MCMBP: variants seen among roughly 807,000 people sequenced by gnomAD.
MCMBP encodes the protein mini-chromosome maintenance complex-binding protein.
MCMBP carries 31 observed loss-of-function variants against 81.3 expected under a neutral mutation model. The observed-to-expected ratio is 0.38, with a 90% CI of 0.29 to 0.51. MCMBP has a LOEUF of 0.51. Ranked by LOEUF, MCMBP falls within the 20% of genes least tolerant of loss-of-function variation. The pLI, the probability that MCMBP is intolerant of heterozygous loss-of-function variation, is 0.87. For missense variants in MCMBP, 645 were observed against 772.1 expected (o/e 0.84, Z 1.95); for synonymous variants, 267 against 275.9 (o/e 0.97, Z 0.32).
chr10:119,832,305 CAT>C (rs1385129249), intron 14 of MCMBP, among the ~76,000 whole-genome samples: 3 of 152,060 alleles, frequency 2.0e-5, no homozygotes, highest in African/African-American at 7.2e-5. Flanking sequence ...GTCAAGCAAA[CAT>C]ATAAATCAGC....
intron 1 of MCMBP, among the ~76,000 whole-genome samples, chr10:119,867,542 GA>G (rs1853515758): frequency 1.3e-5 from 2 of 152,106 alleles, no homozygotes; most frequent in African/African-American, 4.8e-5. Flanking sequence ...GGCCACAGAT[GA>G]CTGATCCCTG....
chr10:119,836,392 A>ATT (rs1852243080), intron 13 of MCMBP, among the ~76,000 whole-genome samples: 1 of 152,238 alleles, frequency 6.6e-6, no homozygotes, highest in Admixed American at 6.5e-5. Flanking sequence ...ACTACACACC[A>ATT]TTTGACAACT....
chr10:119,856,699 T>C (rs1372663244), intron 5 of MCMBP, among the ~76,000 whole-genome samples: 1 of 152,214 alleles, frequency 6.6e-6, no homozygotes, highest in Non-Finnish European at 1.5e-5. Flanking sequence ...AAAATTACTA[T>C]CGTAAATAAA....
chr10:119,845,376 G>A (rs1399992688), intron 8 of MCMBP, among the ~76,000 whole-genome samples: 1 of 151,970 alleles, frequency 6.6e-6, no homozygotes, highest in Non-Finnish European at 1.5e-5. Context: ...AAACAAAAAT[G>A]AATGAGGAAG....
At chr10:119,864,350 A>G (rs1484509730) in intron 1 of MCMBP, among the ~76,000 whole-genome samples, 1 of 152,236 alleles carries the variant, frequency 6.6e-6, no homozygotes, top group Non-Finnish European at 1.5e-5. Flanking sequence ...AGAAATAGAA[A>G]GCTAATACAG....
At chr10:119,856,781 A>T (rs1012548894) in intron 5 of MCMBP, among the ~76,000 whole-genome samples, 48 of 152,232 alleles carry the variant, frequency 3.2e-4, no homozygotes, top group African/African-American at 1.1e-3. Flanking sequence ...ATGAATTCCA[A>T]TTTGAAACTA....
At chr10:119,859,264 A>T in intron 2 of MCMBP, 83 bp from the exon 3 acceptor site, 1 of 1,239,978 alleles carries the variant, frequency 8.1e-7, no homozygotes, top group Non-Finnish European at 1.1e-6. Flanking sequence ...TTATATCCAG[A>T]CTCAAACTGT....
chr10:119,854,482 C>T lies in MCMBP; in HGVS notation c.430-1288G>A, dbSNP rs1045417058. On this transcript the variant is annotated intron_variant, in intron 5 of 15. Coordinates refer to ENST00000369077, the MANE Select transcript of MCMBP (RefSeq NM_001256378.2). ...CTTTGGGAGGCTGAGGCGGGTAGAT[C>T]ACTTGAGCTCAGGAGTTCGAGACCA... 3.3e-5 allele frequency among the ~76,000 whole-genome samples: 5 copies of T among 150,996 alleles called. No homozygotes were observed. In the South Asian group the frequency reaches 1.0e-3, roughly 31 times the overall value.
intron 8 of MCMBP, among the ~76,000 whole-genome samples, chr10:119,845,171 A>G (rs1852573035): frequency 6.6e-6 from 1 of 152,232 alleles, no homozygotes; most frequent in African/African-American, 2.4e-5. Flanking sequence ...GAACAATCTC[A>G]TATACTATTA....
chr10:119,855,120 G>A (rs1173338375), intron 5 of MCMBP, among the ~76,000 whole-genome samples: 2 of 152,108 alleles, frequency 1.3e-5, no homozygotes, highest in South Asian at 4.1e-4. Context: ...ATAATCTAAG[G>A]ATGAGTGAAA....
At chr10:119,871,963 G>A (rs1853689890) in intron 1 of MCMBP, among the ~76,000 whole-genome samples, 1 of 152,126 alleles carries the variant, frequency 6.6e-6, no homozygotes, top group Non-Finnish European at 1.5e-5. Flanking sequence ...AGACTAGATG[G>A]GTTCTAAAGT....
At chr10:119,859,778 C>A (rs778840168) in intron 2 of MCMBP, 21 bp downstream of exon 2, 8 of 1,573,404 alleles carry the variant, frequency 5.1e-6, no homozygotes, top group Non-Finnish European at 7.0e-6. Context: ...CCCTCTCCCT[C>A]GAAAATAGCA....
chr10:119,841,484 T>G (rs1485803278), intron 10 of MCMBP, among the ~76,000 whole-genome samples: 1 of 152,246 alleles, frequency 6.6e-6, no homozygotes, highest in Non-Finnish European at 1.5e-5. Context: ...ATGGTACAAC[T>G]GCATAGTGAA....
chr10:119,847,718 C>T lies in MCMBP; in HGVS notation c.727-5G>A. On this transcript the variant is annotated splice_polypyrimidine_tract_variant and splice_region_variant and intron_variant, in intron 7 of 15. Transcript: ENST00000369077. ...ACAATCCCAATCTTCATAAACCTAA[C>T]AAGAGACCACATGAAATCACACTGT... 6.5e-7 allele frequency: 1 copy of T among 1,530,850 alleles called. No individual in the cohort carries two copies. The highest frequency in any genetic ancestry group is 9.0e-7 in the Non-Finnish European group (1 of 1,107,864). 94.8% of individuals were successfully genotyped at this position (1,530,850 alleles called of 1,614,324 possible). A position where few individuals can be genotyped will look rare whatever the true frequency, so the allele number is the denominator to read the frequency against.
intron 10 of MCMBP, among the ~76,000 whole-genome samples, chr10:119,842,029 GCCT>G (rs1273776354): frequency 6.6e-6 from 1 of 152,110 alleles, no homozygotes; most frequent in East Asian, 1.9e-4. Flanking sequence ...CCTGAGTTCC[GCCT>G]CCTGTCAGAT....
At chr10:119,842,754 A>G in intron 9 of MCMBP, 159 bp from the exon 10 acceptor site, 3 of 742,194 alleles carry the variant, frequency 4.0e-6, no homozygotes, top group Non-Finnish European at 6.0e-6. Context: ...AAAATAAGGC[A>G]GTTTGCATCC....
intron 10 of MCMBP, 110 bp downstream of exon 10, chr10:119,842,362 T>G: frequency 8.1e-7 from 1 of 1,236,264 alleles, no homozygotes; most frequent in South Asian, 1.5e-5. Flanking sequence ...ATAAAAACCA[T>G]GTGATGAAGC....
intron 11 of MCMBP, among the ~76,000 whole-genome samples, chr10:119,839,605 C>T (rs1206768884): frequency 1.3e-5 from 2 of 152,056 alleles, no homozygotes; most frequent in African/African-American, 4.8e-5. Context: ...CCCGAGAACC[C>T]CCAGGGAATT....
intron 8 of MCMBP, among the ~76,000 whole-genome samples, chr10:119,844,430 C>G (rs542721126): frequency 6.6e-6 from 1 of 152,312 alleles, no homozygotes; most frequent in South Asian, 2.1e-4. Flanking sequence ...AGACAACGTT[C>G]AATGCCTTAC....
Sources: allele counts gnomAD v4.1 joint callset (sites outside exome capture counted in the v4.1 genomes callset), GRCh38; gene constraint gnomAD v4.1.1; transcripts MANE v1.5; gene names NCBI Gene and HGNC (gene_info 2026-07-23, HGNC 2026-07-21).